The following TTC39C variants were observed in gnomAD, a reference collection of about 807,000 sequenced individuals.
TTC39C encodes tetratricopeptide repeat domain 39C, also known as tetratricopeptide repeat protein 39C.
In TTC39C, 33 loss-of-function variants were observed where a neutral mutation model predicts 76.3. The observed-to-expected ratio is 0.43, with a 90% confidence interval of 0.33 to 0.58. The LOEUF is 0.58. Among genes scored for constraint, TTC39C ranks in the 20% least tolerant of loss-of-function variants. The probability of loss-of-function intolerance (pLI) is 0.04; values close to 1 mark genes in which losing one functional copy is unlikely to be tolerated. For synonymous variants in TTC39C, 254 were observed against 260.6 expected (o/e 0.97, Z 0.24); for missense variants, 595 against 701.4 (o/e 0.85, Z 1.71).
chr18:24,099,997 TGA>T (rs1224058597), intron 6 of TTC39C, among the ~76,000 whole-genome samples: 2 of 152,148 alleles, frequency 1.3e-5, no homozygotes, highest in Non-Finnish European at 2.9e-5. Context: ...ATATTGGTTT[TGA>T]GAGAGAGAGA....
chr18:24,041,392 A>C (rs1376225809), intron 1 of TTC39C, among the ~76,000 whole-genome samples: 1 of 152,180 alleles, frequency 6.6e-6, no homozygotes, highest in African/African-American at 2.4e-5. Flanking sequence ...TGTCTGATGG[A>C]GCTCTAGTGG....
intron 1 of TTC39C, among the ~76,000 whole-genome samples, chr18:24,006,047 C>T (rs371656506): frequency 6.7e-6 from 1 of 149,134 alleles, no homozygotes; most frequent in East Asian, 2.0e-4. Flanking sequence ...GGGTCTTGCT[C>T]TGTCACCCAG....
chr18:24,060,554 C>T (rs537781184), intron 1 of TTC39C, among the ~76,000 whole-genome samples: 28 of 152,152 alleles, frequency 1.8e-4, no homozygotes, highest in South Asian at 6.2e-4. Context: ...GTGATCTGCC[C>T]GCCTCAGCCT....
intron 8 of TTC39C, among the ~76,000 whole-genome samples, chr18:24,121,877 A>C (rs1028744558): frequency 6.6e-6 from 1 of 152,200 alleles, no homozygotes; most frequent in Non-Finnish European, 1.5e-5. Flanking sequence ...TGCACAATAC[A>C]GCCACTGAGC....
intron 4 of TTC39C, among the ~76,000 whole-genome samples, chr18:24,073,331 C>T (rs375299106): frequency 2.0e-5 from 3 of 152,208 alleles, no homozygotes; most frequent in Admixed American, 6.5e-5. Context: ...CTTTCCCAGC[C>T]ACCTGCCCTT....
intron 1 of TTC39C, among the ~76,000 whole-genome samples, chr18:24,020,506 T>C (rs1396175453): frequency 6.6e-6 from 1 of 152,224 alleles, no homozygotes. Context: ...TCAGTATTCA[T>C]GGGGGATTGG....
At chr18:24,042,674 G>T (rs989344416) in intron 1 of TTC39C, among the ~76,000 whole-genome samples, 2 of 152,166 alleles carry the variant, frequency 1.3e-5, no homozygotes, top group African/African-American at 2.4e-5. Flanking sequence ...AGGGGTCAAT[G>T]ATACTATACG....
intron 1 of TTC39C, among the ~76,000 whole-genome samples, chr18:24,061,479 T>C (rs1296493738): frequency 4.6e-5 from 7 of 151,612 alleles, no homozygotes; most frequent in African/African-American, 1.7e-4. Flanking sequence ...TCGTACTCTT[T>C]GGGAACATTT....
intron 1 of TTC39C, among the ~76,000 whole-genome samples, chr18:24,036,730 C>G (rs1023197745): frequency 1.3e-5 from 2 of 152,168 alleles, no homozygotes; most frequent in Non-Finnish European, 2.9e-5. Context: ...TCCCCAGGCT[C>G]AGGTGATTGT....
chr18:24,065,600 T>C (rs1206098209), intron 2 of TTC39C, among the ~76,000 whole-genome samples: 1 of 152,250 alleles, frequency 6.6e-6, no homozygotes, highest in African/African-American at 2.4e-5. Context: ...CTACAAGCTG[T>C]TGTTTCATTA....
intron 1 of TTC39C, among the ~76,000 whole-genome samples, chr18:24,016,198 C>T (rs1349983333): frequency 6.6e-6 from 1 of 152,094 alleles, no homozygotes; most frequent in Non-Finnish European, 1.5e-5. Context: ...ACTTTTAAAT[C>T]GGTGATTTTT....
chr18:24,015,704 G>A (rs1046966916), intron 1 of TTC39C, among the ~76,000 whole-genome samples: 4 of 152,110 alleles, frequency 2.6e-5, no homozygotes, highest in Admixed American at 2.6e-4. Flanking sequence ...TTTTTCCAAC[G>A]TAAATAAAGG....
chr18:24,064,527 A>T (rs1568424248), intron 2 of TTC39C, among the ~76,000 whole-genome samples: 1 of 152,230 alleles, frequency 6.6e-6, no homozygotes, highest in African/African-American at 2.4e-5. Flanking sequence ...GAAATTATTG[A>T]GTAAATGTGG....
chr18:24,005,355 T>C (rs2083343730), intron 1 of TTC39C, among the ~76,000 whole-genome samples: 1 of 152,184 alleles, frequency 6.6e-6, no homozygotes, highest in African/African-American at 2.4e-5. Context: ...TTCTAGATTT[T>C]TGGACACTCT....
chr18:24,123,742 CTTT>C, intron 8 of TTC39C, 89 bp from the exon 9 acceptor site: 8 of 744,592 alleles, frequency 1.1e-5, no homozygotes, highest in Admixed American at 3.3e-5. Flanking sequence ...TTTGCTCCTG[CTTT>C]TTTTTTTTTC....
chr18:24,045,065 T>C (rs2083847364), intron 1 of TTC39C, among the ~76,000 whole-genome samples: 1 of 152,030 alleles, frequency 6.6e-6, no homozygotes, highest in Non-Finnish European at 1.5e-5. Context: ...GGTTGGAAGT[T>C]TGAGACCAGC....
At chr18:24,075,697 A>AC (rs1028320946) in intron 4 of TTC39C, among the ~76,000 whole-genome samples, 7 of 151,160 alleles carry the variant, frequency 4.6e-5, no homozygotes, top group East Asian at 1.9e-4. Flanking sequence ...AAAAAAAAAA[A>AC]AAAAAACAAA....
intron 1 of TTC39C, among the ~76,000 whole-genome samples, chr18:24,040,161 C>T (rs2083775420): frequency 6.6e-6 from 1 of 152,292 alleles, no homozygotes; most frequent in East Asian, 1.9e-4. Context: ...TTTAAGAAGT[C>T]AGTTAAAGCA....
intron 6 of TTC39C, among the ~76,000 whole-genome samples, chr18:24,084,316 T>A (rs1222729337): frequency 1.3e-5 from 2 of 151,808 alleles, no homozygotes; most frequent in Non-Finnish European, 2.9e-5. Context: ...AAACCCTGTT[T>A]CCACGAAAAA....
Sources: allele counts gnomAD v4.1 joint callset (sites outside exome capture counted in the v4.1 genomes callset), GRCh38; gene constraint gnomAD v4.1.1; transcripts MANE v1.5; gene names NCBI Gene and HGNC (gene_info 2026-07-23, HGNC 2026-07-21).